MINDY3: variants seen among roughly 807,000 people sequenced by gnomAD.
The protein encoded by MINDY3 is MINDY lysine 48 deubiquitinase 3.
In MINDY3, 38 loss-of-function variants were observed where a neutral mutation model predicts 69.2. The observed-to-expected ratio is 0.55, with a 90% confidence interval of 0.42 to 0.72. MINDY3 has a LOEUF of 0.72. Among genes scored for constraint, MINDY3 ranks in the 30% least tolerant of loss-of-function variants. The pLI is 0.00. For missense variants in MINDY3, 522 were observed against 519.0 expected (o/e 1.01, Z -0.06); for synonymous variants, 192 against 180.1 (o/e 1.07, Z -0.53).
At chr10:15,853,202 A>C (rs1449476261) in intron 1 of MINDY3, among the ~76,000 whole-genome samples, 1 of 152,082 alleles carries the variant, frequency 6.6e-6, no homozygotes, top group Non-Finnish European at 1.5e-5. Flanking sequence ...TAGAAAAGGG[A>C]AAGAGTGATT....
At chr10:15,780,549 C>T (rs1836446235) in intron 14 of MINDY3, among the ~76,000 whole-genome samples, 2 of 152,224 alleles carry the variant, frequency 1.3e-5, no homozygotes, top group South Asian at 4.1e-4. Flanking sequence ...TGACCCACCT[C>T]CATGGCCTCA....
intron 8 of MINDY3, among the ~76,000 whole-genome samples, chr10:15,831,493 T>C (rs1026776913): frequency 1.3e-5 from 2 of 152,208 alleles, no homozygotes; most frequent in African/African-American, 4.8e-5. Flanking sequence ...TGCTTAGTTT[T>C]GGCTTTTAAA....
At chr10:15,791,023 T>A (rs570942376) in intron 11 of MINDY3, among the ~76,000 whole-genome samples, 1 of 152,074 alleles carries the variant, frequency 6.6e-6, no homozygotes, top group East Asian at 1.9e-4. Context: ...ATGATTAACC[T>A]CAAGCTTAAA....
chr10:15,794,347 AG>A (rs1487681889), intron 11 of MINDY3, among the ~76,000 whole-genome samples: 1 of 152,126 alleles, frequency 6.6e-6, no homozygotes, highest in Non-Finnish European at 1.5e-5. Flanking sequence ...GTAAGTGAAA[AG>A]AAAAAAAACT....
Position 15,837,239 on chromosome 10 carries a change from C to T in MINDY3, c.541G>A (p.Val181Ile). The change falls in exon 6 of 15, where the codon GTA (valine) becomes ATA (isoleucine). Residue 181 changes from valine (V) to isoleucine (I), a missense_variant. Physicochemically the swap from Val to Ile is conservative, Grantham distance 29. Coordinates refer to ENST00000277632, the MANE Select transcript of MINDY3 (RefSeq NM_024948.4). ...AATACAGAATACAGAAAAAGCAATA[C>T]TCCAAATTTATTTCCCCACATTGAA... is the stretch of plus-strand genomic sequence containing the variant. ...QYSMWGNKFG[V>I]LLFLYSVLLT... 1 of 1,606,430 alleles carries T rather than the reference C, an allele frequency of 6.2e-7. No homozygotes were observed. Among genetic ancestry groups the T allele is most frequent in the Non-Finnish European group, 8.5e-7 (1 of 1,175,526 alleles).
intron 1 of MINDY3, among the ~76,000 whole-genome samples, chr10:15,848,633 C>CAAAAAAAAAAAAAAAAAAAAAAAAAAAA (rs10719399): frequency 2.0e-4 from 10 of 48,796 alleles, no homozygotes; most frequent in African/African-American, 1.3e-3. Flanking sequence ...GACTTCATCT[C>CAAAAAAAAAAAAAAAAAAAAAAAAAAAA]AAAAAAAAAA....
rs547594022 is a variant in MINDY3 at position 15,785,160 on chromosome 10, G to A, written c.1116+1401C>T. Among the ~76,000 whole-genome samples the A allele has an allele frequency of 2.0e-5, 3 of 152,238 alleles. No individual in the cohort carries two copies. The East Asian group carries it at 5.8e-4, about 29-fold the overall frequency. ...ACCAAGAGCAGGATCACATGCTCGT[G>A]GGAGGCAAACAGCATGAACTATACA... On this transcript the variant is annotated intron_variant, in intron 13 of 14. Coordinates refer to ENST00000277632, the MANE Select transcript of MINDY3 (RefSeq NM_024948.4).
chr10:15,800,994 C>T (rs1003672397), intron 10 of MINDY3, among the ~76,000 whole-genome samples: 2 of 152,114 alleles, frequency 1.3e-5, no homozygotes, highest in East Asian at 3.9e-4. Flanking sequence ...TTAATGCCAG[C>T]AAAGGATGGT....
At chr10:15,820,371 C>T (rs1297995014) in intron 9 of MINDY3, among the ~76,000 whole-genome samples, 2 of 152,170 alleles carry the variant, frequency 1.3e-5, no homozygotes. Flanking sequence ...TTAAGGGATA[C>T]ACAGGAAATA....
At chr10:15,784,012 C>A (rs977887015) in intron 13 of MINDY3, among the ~76,000 whole-genome samples, 2 of 152,136 alleles carry the variant, frequency 1.3e-5, no homozygotes, top group Admixed American at 6.6e-5. Context: ...TACTAAAATA[C>A]CTAGTGTATG....
At chr10:15,856,349 T>C (rs191817865) in intron 1 of MINDY3, among the ~76,000 whole-genome samples, 12 of 151,832 alleles carry the variant, frequency 7.9e-5, no homozygotes, top group Non-Finnish European at 4.4e-5. Flanking sequence ...AAAATTGTGC[T>C]ACACTGAAAG....
intron 14 of MINDY3, among the ~76,000 whole-genome samples, chr10:15,781,917 T>C (rs545026507): frequency 1.2e-4 from 19 of 152,242 alleles, no homozygotes; most frequent in African/African-American, 4.6e-4. Flanking sequence ...ACGATCTGTA[T>C]GGGGGTGTAT....
intron 4 of MINDY3, among the ~76,000 whole-genome samples, chr10:15,839,754 T>C (rs1055379460): frequency 3.3e-5 from 5 of 151,602 alleles, no homozygotes; most frequent in Non-Finnish European, 7.4e-5. Context: ...CTAAGGTAAA[T>C]TCTCAAATTT....
intron 4 of MINDY3, among the ~76,000 whole-genome samples, chr10:15,841,079 G>A (rs749999263): frequency 6.6e-6 from 1 of 151,216 alleles, no homozygotes; most frequent in Non-Finnish European, 1.5e-5. Flanking sequence ...AAAAAAATCC[G>A]TTTTTGCAAT....
intron 9 of MINDY3, 101 bp downstream of exon 9, chr10:15,821,555 A>G (rs900744688): frequency 2.3e-6 from 2 of 853,364 alleles, no homozygotes; most frequent in Non-Finnish European, 3.8e-6. Context: ...GTACTGAACC[A>G]TAGTGCTGTG....
rs12769648 is a variant in MINDY3, at chr10:15,852,318, C to T, written c.95-4375G>A. ...ATGGCAGTGTTTGTTTCTAGGAATA[C>T]CAAGTTCAGTCTCAAAAATGTGAGA... is the stretch of plus-strand genomic sequence containing the variant. On this transcript the variant is annotated intron_variant, in intron 1 of 14. Transcript: ENST00000277632. Among the ~76,000 whole-genome samples the T allele has an allele frequency of 2.5e-3, 379 of 152,212 alleles. 1 individual carries two copies. Among genetic ancestry groups the T allele is most frequent in the Admixed American group, 4.1e-3 (63 of 15,288 alleles).
chr10:15,797,379 C>T (rs994592751), intron 10 of MINDY3, among the ~76,000 whole-genome samples: 4 of 152,130 alleles, frequency 2.6e-5, no homozygotes, highest in Non-Finnish European at 5.9e-5. Flanking sequence ...CATTTACCAT[C>T]CCTTGCTAGA....
chr10:15,784,715 T>G (rs574993278), intron 13 of MINDY3, among the ~76,000 whole-genome samples: 1 of 152,106 alleles, frequency 6.6e-6, no homozygotes, highest in Non-Finnish European at 1.5e-5. Flanking sequence ...CCAGCCTGGG[T>G]AAAGGAGCGA....
intron 5 of MINDY3, 44 bp downstream of exon 5, chr10:15,838,184 T>A: frequency 6.4e-7 from 1 of 1,564,300 alleles, no homozygotes; most frequent in South Asian, 1.2e-5. Context: ...AAAGTGGCAA[T>A]GTGTCCACAG....
Sources: gnomAD v4.1 joint callset for allele counts (sites outside exome capture counted in the v4.1 genomes callset) on GRCh38, gnomAD v4.1.1 for gene constraint, MANE v1.5 for transcripts, NCBI Gene and HGNC (gene_info 2026-07-23, HGNC 2026-07-21) for gene names.